The following FLNB variants were observed in gnomAD, a reference collection of about 807,000 sequenced individuals.
FLNB encodes filamin B, also known as filamin-B.
In FLNB, 111 loss-of-function variants were observed where a neutral mutation model predicts 250.6. The ratio of observed to expected loss-of-function variants is 0.44; its 90% CI spans 0.38 to 0.52. FLNB has a LOEUF of 0.52. FLNB is among the 20% of genes least tolerant of loss of function. The probability of loss-of-function intolerance (pLI) is 0.00; values close to 1 mark genes in which losing one functional copy is unlikely to be tolerated. For missense variants in FLNB, 2,869 were observed against 3,447.8 expected (o/e 0.83, Z 4.20); for synonymous variants, 1,302 against 1,372.1 (o/e 0.95, Z 1.13).
rs749545528 is a variant in FLNB, at chr3:58,094,873, C to G, written c.825C>G (p.Ala275=). 9.3e-6 allele frequency: 15 copies of G among 1,614,050 alleles called. No homozygotes were observed. The South Asian group carries it at 1.3e-4, about 14-fold the overall frequency. The change falls in exon 5 of 46, where the codon GCC becomes GCG. Residue 275 remains alanine (A), a synonymous_variant. Transcript: ENST00000295956. ...EPTGNMVKQP[A]KFTVDTISAG... ...CTGGAAACATGGTGAAGCAGCCAGC[C>G]AAGTTCACTGTGGACACCATCAGCG...
At position 58,029,913 on chromosome 3, in the gene FLNB, AT is replaced by A. The variant is rs1269352766; in HGVS notation, c.292+21058del. Among the ~76,000 whole-genome samples the A allele has an allele frequency of 6.6e-5, 10 of 152,284 alleles. No individual in the cohort carries two copies. The East Asian group carries it at 1.2e-3, about 18-fold the overall frequency. On this transcript the variant is annotated intron_variant, in intron 1 of 45. Coordinates refer to ENST00000295956, the MANE Select transcript of FLNB (RefSeq NM_001457.4). The stretch of plus-strand genomic sequence containing the variant: ...GCCTCCGTCCTCACTGCTCTCATCT[AT>A]AAACTGGGAATAATCATAGTTTCTA...
At chr3:58,044,636 A>C (rs1433296059) in intron 1 of FLNB, among the ~76,000 whole-genome samples, 4 of 152,044 alleles carry the variant, frequency 2.6e-5, no homozygotes, top group Admixed American at 2.6e-4. Context: ...AAAAGTAAAA[A>C]ATTCAAATAA....
chr3:58,136,098 C>A lies in FLNB; in HGVS notation c.4791C>A (p.Asp1597Glu). 6.2e-7 allele frequency: 1 copy of A among 1,614,200 alleles called. No homozygotes were observed. Among genetic ancestry groups the A allele is most frequent in the East Asian group, 2.2e-5 (1 of 44,878 alleles). ...RYMIGVTYGG[D>E]DIPLSPYRIR... is the part of the protein sequence containing the mutation. ...TGATTGGAGTCACCTACGGGGGTGA[C>A]GACATCCCACTTTCTCCTTATCGCA... Residue 1597 changes from aspartate to glutamate, a missense_variant, in exon 28 of 46, where the codon GAC becomes GAA. This residue lies in a region of FLNB where 126 missense variants were observed against 182.0 expected (regional missense o/e 0.69). Transcript: ENST00000295956.
intron 7 of FLNB, among the ~76,000 whole-genome samples, chr3:58,098,282 T>C (rs1463679775): frequency 2.6e-5 from 4 of 152,174 alleles, no homozygotes; most frequent in African/African-American, 9.7e-5. Context: ...AAATAGTTGT[T>C]AACATCTTGG....
intron 1 of FLNB, among the ~76,000 whole-genome samples, chr3:58,036,410 A>T (rs1288720690): frequency 1.3e-5 from 2 of 152,042 alleles, no homozygotes; most frequent in African/African-American, 4.8e-5. Flanking sequence ...GGAAGTGGGG[A>T]GTGCTGATTG....
intron 4 of FLNB, among the ~76,000 whole-genome samples, chr3:58,082,518 C>A (rs936171407): frequency 1.3e-5 from 2 of 152,028 alleles, no homozygotes; most frequent in Non-Finnish European, 1.5e-5. Flanking sequence ...TGCCTATAAT[C>A]TCAGCACTTT....
rs139257182 is a variant in FLNB at position 58,122,223 on chromosome 3, C to T, written c.3126+720C>T. On this transcript the variant is annotated intron_variant, in intron 20 of 45. Coordinates refer to ENST00000295956, the MANE Select transcript of FLNB (RefSeq NM_001457.4). ...AAACATTATTCTTGGCTGGGCGCAG[C>T]GGCTCACGCCTGTAATCACTGCACT... 6.5e-3 allele frequency among the ~76,000 whole-genome samples: 943 copies of T among 144,734 alleles called. 10 individuals carry two copies. Among genetic ancestry groups the T allele is most frequent in the African/African-American group, 0.02 (791 of 38,982 alleles). 95.0% of individuals were successfully genotyped at this position (144,734 alleles called of 152,430 possible).
intron 41 of FLNB, among the ~76,000 whole-genome samples, chr3:58,156,808 T>C (rs1403945032): frequency 6.6e-6 from 1 of 152,212 alleles, no homozygotes; most frequent in Non-Finnish European, 1.5e-5. Flanking sequence ...GTGATTCTTC[T>C]GCCTCAGCCT....
intron 18 of FLNB, among the ~76,000 whole-genome samples, chr3:58,114,707 G>GTT (rs568292098): frequency 1.0e-3 from 145 of 138,812 alleles, no homozygotes; most frequent in African/African-American, 3.5e-3. Context: ...TTTTTTTTCT[G>GTT]TTTTTTTTTT....
intron 33 of FLNB, 116 bp from the exon 34 acceptor site, chr3:58,146,704 T>C: frequency 9.7e-7 from 1 of 1,033,102 alleles, no homozygotes; most frequent in Non-Finnish European, 1.5e-6. Flanking sequence ...TCACGTGGAG[T>C]GCGTCAATCC....
chr3:58,011,259 T>C (rs1402559053), intron 1 of FLNB, among the ~76,000 whole-genome samples: 1 of 152,150 alleles, frequency 6.6e-6, no homozygotes, highest in Non-Finnish European at 1.5e-5. Flanking sequence ...GCTACTCCCA[T>C]TGTCCCGACG....
intron 39 of FLNB, 132 bp downstream of exon 39, chr3:58,153,773 A>G: frequency 9.5e-7 from 1 of 1,056,646 alleles, no homozygotes; most frequent in East Asian, 2.6e-5. Flanking sequence ...CATTATTTAA[A>G]ACAAGGCATC....
intron 4 of FLNB, among the ~76,000 whole-genome samples, chr3:58,082,180 G>A (rs898543497): frequency 3.3e-5 from 5 of 152,128 alleles, no homozygotes; most frequent in East Asian, 1.9e-4. Context: ...ATTTCCAGCC[G>A]GAGTGGGAGC....
chr3:58,101,280 T>C (rs1160788460), intron 8 of FLNB, among the ~76,000 whole-genome samples: 1 of 152,178 alleles, frequency 6.6e-6, no homozygotes, highest in Non-Finnish European at 1.5e-5. Context: ...GTGACCTTCC[T>C]GTATAGAGAT....
At chr3:58,026,442 C>A (rs1273548780) in intron 1 of FLNB, among the ~76,000 whole-genome samples, 1 of 152,208 alleles carries the variant, frequency 6.6e-6, no homozygotes, top group African/African-American at 2.4e-5. Flanking sequence ...CACTATCCAA[C>A]TTGGTGTCAT....
Position 58,077,370 on chromosome 3 carries a change from G to C in FLNB, c.541+76G>C, listed in dbSNP as rs1023828250. The C allele has an allele frequency of 1.3e-5, 20 of 1,531,586 alleles. No homozygotes were observed. The Admixed American group carries it at 3.4e-4, about 26-fold the overall frequency. The allele number at this position is 1,531,586 out of a possible 1,614,324, so 94.9% of individuals were successfully genotyped here. ...GTCCCAAACATTCTGGTTTTCAACGGGAATGCTATCTTTGCTTTGATTAGC... is the reference window on the plus strand; with the variant it reads ...GTCCCAAACATTCTGGTTTTCAACGCGAATGCTATCTTTGCTTTGATTAGC... On this transcript the variant is annotated intron_variant, in intron 2 of 45. Transcript: ENST00000295956.
rs146195046 is a variant in FLNB at position 58,150,194 on chromosome 3, G to A, written c.6334G>A (p.Gly2112Arg). The change falls in exon 38 of 46, where the codon GGG becomes AGG. Residue 2112 changes from glycine to arginine, a missense_variant. Gly to Arg is a moderately radical substitution (Grantham distance 125, BLOSUM62 -2). Around this residue, in one of 5 missense-constraint regions of FLNB, gnomAD observed 1,084 missense variants for 1,315.5 expected, o/e 0.82. Coordinates refer to ENST00000295956, the MANE Select transcript of FLNB (RefSeq NM_001457.4). The stretch of plus-strand genomic sequence containing the variant: ...TCGGGCCCCGTCCGTGGCCACTGTC[G>A]GGAGCATTTGTGACCTGAACCTGAA... ...TSRAPSVATVGSICDLNLKIP... is the reference protein window; with the variant it reads ...TSRAPSVATVRSICDLNLKIP... 1.8e-5 allele frequency: 29 copies of A among 1,614,084 alleles called. No individual in the cohort carries two copies. The highest frequency in any genetic ancestry group is 2.2e-5 in the South Asian group (2 of 91,086).
intron 1 of FLNB, among the ~76,000 whole-genome samples, chr3:58,060,769 C>CAAAAAAAAAAAAAAAAAAAAAAAAAA (rs71091334): frequency 4.7e-5 from 3 of 64,210 alleles, no homozygotes; most frequent in Admixed American, 2.2e-4. Flanking sequence ...GACCTTGTCT[C>CAAAAAAAAAAAAAAAAAAAAAAAAAA]AAAAAAAAAA....
intron 1 of FLNB, among the ~76,000 whole-genome samples, chr3:58,044,848 G>A (rs925602312): frequency 3.4e-4 from 51 of 152,174 alleles, no homozygotes; most frequent in African/African-American, 1.1e-3. Flanking sequence ...GCATGAATGA[G>A]AATTTCCTCC....
Sources: gnomAD v4.1 joint callset for allele counts (sites outside exome capture counted in the v4.1 genomes callset) on GRCh38, gnomAD v4.1.1 for gene constraint, gnomAD v4.1.1 regional missense constraint, MANE v1.5 for transcripts, NCBI Gene and HGNC (gene_info 2026-07-23, HGNC 2026-07-21) for gene names.